LRP1B: variants seen among roughly 807,000 people sequenced by gnomAD.
LRP1B encodes low-density lipoprotein receptor-related protein 1B.
In LRP1B, 217 loss-of-function variants were observed where a neutral mutation model predicts 556.6. That is an observed-to-expected ratio of 0.39 (90% CI 0.35 to 0.44). The LOEUF is 0.44. Ranked by LOEUF, LRP1B falls within the 20% of genes least tolerant of loss-of-function variation. The pLI, the probability that LRP1B is intolerant of heterozygous loss-of-function variation, is 1.00. For missense variants in LRP1B, 5,053 were observed against 5,620.8 expected, an observed-to-expected ratio of 0.90 and a Z score of 3.23; for synonymous variants, 2,047 against 1,865.8, an observed-to-expected ratio of 1.10 and a Z score of -2.50.
At chr2:141,912,961 C>T (rs1256897404) in intron 1 of LRP1B, among the ~76,000 whole-genome samples, 1 of 152,162 alleles carries the variant, frequency 6.6e-6, no homozygotes, top group Non-Finnish European at 1.5e-5. Context: ...GCTCCTGTGT[C>T]ATGGAGAACT....
chr2:140,275,291 C>T (rs1323623416), intron 84 of LRP1B, among the ~76,000 whole-genome samples: 1 of 152,154 alleles, frequency 6.6e-6, no homozygotes, highest in South Asian at 2.1e-4. Flanking sequence ...TGTAGAAGCT[C>T]GGCAGTTGCC....
intron 1 of LRP1B, among the ~76,000 whole-genome samples, chr2:142,103,635 C>A (rs1164675910): frequency 9.2e-5 from 14 of 151,942 alleles, no homozygotes; most frequent in Non-Finnish European, 1.9e-4. Context: ...CTTGGCCAAA[C>A]AATGAAATGA....
rs1286971446 is a variant in LRP1B at position 142,069,713 on chromosome 2, T to C, written c.82+60935A>G. Among the ~76,000 whole-genome samples, 3 of 151,806 alleles carry C rather than the reference T, an allele frequency of 2.0e-5. No individual in the cohort carries two copies. In the South Asian group the frequency reaches 6.2e-4, roughly 31 times the overall value. On this transcript the variant is annotated intron_variant, in intron 1 of 90. Coordinates refer to ENST00000389484, the MANE Select transcript of LRP1B (RefSeq NM_018557.3). The stretch of plus-strand genomic sequence containing the variant: ...ATGCGAAAAGGTTTTGCATGCGAAC[T>C]TTTTTCTTTAACAAGGAGTAGGGTT...
At chr2:140,347,162 G>T (rs1558819155) in intron 77 of LRP1B, among the ~76,000 whole-genome samples, 1 of 151,628 alleles carries the variant, frequency 6.6e-6, no homozygotes, top group Non-Finnish European at 1.5e-5. Flanking sequence ...AATTGCCCAA[G>T]AGCATGTACA....
chr2:141,603,014 C>A (rs1315251153), intron 2 of LRP1B, among the ~76,000 whole-genome samples: 1 of 152,092 alleles, frequency 6.6e-6, no homozygotes, highest in East Asian at 1.9e-4. Context: ...CTAATTGTGT[C>A]AAATATTCCA....
chr2:140,920,091 T>G (rs1200635168), intron 21 of LRP1B, among the ~76,000 whole-genome samples: 3 of 152,012 alleles, frequency 2.0e-5, no homozygotes, highest in Non-Finnish European at 2.9e-5. Flanking sequence ...TCCCGGTACC[T>G]TGCGATCACT....
chr2:141,457,660 C>T (rs920213230), intron 3 of LRP1B, among the ~76,000 whole-genome samples: 1 of 152,044 alleles, frequency 6.6e-6, no homozygotes, highest in South Asian at 2.1e-4. Context: ...TGTGGGGGCA[C>T]CTATGTGAAA....
chr2:141,207,246 C>T (rs934551639), intron 6 of LRP1B, among the ~76,000 whole-genome samples: 6 of 152,162 alleles, frequency 3.9e-5, no homozygotes, highest in Admixed American at 1.3e-4. Flanking sequence ...CCTAGACTGA[C>T]ATATCGACAT....
chr2:141,893,232 C>T (rs1031415025), intron 1 of LRP1B, among the ~76,000 whole-genome samples: 1 of 152,136 alleles, frequency 6.6e-6, no homozygotes, highest in Non-Finnish European at 1.5e-5. Flanking sequence ...AAGAGTTTCA[C>T]TCTTGTGGCC....
At position 141,319,299 on chromosome 2, in the gene LRP1B, G is replaced by GTTTTTT. The variant is rs201761576; in HGVS notation, c.344-64664_344-64659dup. Among the ~76,000 whole-genome samples, 23 of 80,404 alleles carry GTTTTTT rather than the reference G, an allele frequency of 2.9e-4. 1 individual carries two copies. The highest frequency in any genetic ancestry group is 3.8e-4 in the Admixed American group (3 of 7,946). 52.7% of individuals were successfully genotyped at this position (80,404 alleles called of 152,430 possible). A position where few individuals can be genotyped will look rare whatever the true frequency, so the allele number is the denominator to read the frequency against. On this transcript the variant is annotated intron_variant, in intron 3 of 90. Transcript: ENST00000389484. The stretch of plus-strand genomic sequence containing the variant: ...CATAATGTAGTCTCTAAAAAGCAGT[G>GTTTTTT]TTTTTTTGTTGTTTTTTTTTTTTTT...
chr2:141,092,271 C>T (rs902376413), intron 7 of LRP1B, among the ~76,000 whole-genome samples: 1 of 152,116 alleles, frequency 6.6e-6, no homozygotes, highest in Admixed American at 6.6e-5. Flanking sequence ...CCATTGGACA[C>T]TGTATATTTT....
intron 1 of LRP1B, among the ~76,000 whole-genome samples, chr2:141,855,260 T>C (rs1454542153): frequency 6.6e-6 from 1 of 152,068 alleles, no homozygotes; most frequent in Non-Finnish European, 1.5e-5. Context: ...TTTTTATCTC[T>C]GTTGTTCATA....
chr2:141,682,235 T>G (rs1380422357), intron 2 of LRP1B, among the ~76,000 whole-genome samples: 2 of 152,094 alleles, frequency 1.3e-5, no homozygotes, highest in Admixed American at 6.6e-5. Context: ...GTATTTGCAA[T>G]GCTTAGCCCA....
At chr2:141,386,846 G>T (rs779023022) in intron 3 of LRP1B, among the ~76,000 whole-genome samples, 7 of 151,934 alleles carry the variant, frequency 4.6e-5, no homozygotes, top group African/African-American at 1.7e-4. Context: ...TCAGGGACTG[G>T]ATAAACACTA....
chr2:140,989,667 AG>A lies in LRP1B; in HGVS notation c.2645-11del. 6.2e-7 allele frequency: 1 copy of A among 1,611,264 alleles called. No individual in the cohort carries two copies. The highest frequency in any genetic ancestry group is 8.5e-7 in the Non-Finnish European group (1 of 1,178,368). ...GGACAGCTATGATTGACTGGGAGGG[AG>A]GGGGAAGCAAGATTAATTATTTAAA... is the stretch of plus-strand genomic sequence containing the variant. On this transcript the variant is annotated splice_polypyrimidine_tract_variant and intron_variant, in intron 16 of 90. Transcript: ENST00000389484.
intron 2 of LRP1B, among the ~76,000 whole-genome samples, chr2:141,636,048 T>C (rs544289491): frequency 2.3e-4 from 35 of 152,178 alleles, no homozygotes; most frequent in African/African-American, 8.2e-4. Context: ...CCCTCCTCAA[T>C]TGACAATCAA....
At chr2:140,711,854 G>A (rs762301542) in intron 37 of LRP1B, among the ~76,000 whole-genome samples, 8 of 152,216 alleles carry the variant, frequency 5.3e-5, no homozygotes, top group East Asian at 1.9e-4. Context: ...CTCCATCCCC[G>A]AAGGGGAAGA....
intron 1 of LRP1B, among the ~76,000 whole-genome samples, chr2:142,111,817 A>C (rs1396382391): frequency 6.6e-6 from 1 of 152,126 alleles, no homozygotes; most frequent in African/African-American, 2.4e-5. Context: ...ACTGCTACTA[A>C]TAAACTTCCT....
chr2:140,491,723 T>C lies in LRP1B; in HGVS notation c.9120+885A>G, dbSNP rs188337743. Among the ~76,000 whole-genome samples the C allele has an allele frequency of 3.8e-3, 576 of 152,260 alleles. 1 individual carries two copies. The highest frequency in any genetic ancestry group is 6.0e-3 in the Non-Finnish European group (408 of 67,998). On this transcript the variant is annotated intron_variant, in intron 57 of 90. Coordinates refer to ENST00000389484, the MANE Select transcript of LRP1B (RefSeq NM_018557.3). ...TATTTATGTCTTAAATAGTTGTTCA[T>C]TCTTATATTTTGATTAAATTTTTGT...
Sources: allele counts gnomAD v4.1 joint callset (sites outside exome capture counted in the v4.1 genomes callset), GRCh38; gene constraint gnomAD v4.1.1; transcripts MANE v1.5; gene names NCBI Gene and HGNC (gene_info 2026-07-23, HGNC 2026-07-21).